The following SPINK5 variants were observed in gnomAD, a reference collection of about 807,000 sequenced individuals.
The protein encoded by SPINK5 is serine peptidase inhibitor Kazal type 5, also known as serine protease inhibitor Kazal-type 5.
SPINK5 carries 125 observed loss-of-function variants against 151.8 expected under a neutral mutation model. That is an observed-to-expected ratio of 0.82 (90% CI 0.71 to 0.96). The LOEUF is 0.96. SPINK5 is among the 40% of genes least tolerant of loss of function. SPINK5 has a pLI of 0.00. For missense variants in SPINK5, 1,194 were observed against 1,291.9 expected (o/e 0.92, Z 1.16); for synonymous variants, 374 against 395.3 (o/e 0.95, Z 0.64).
chr5:148,129,098 A>G (rs981158053), intron 30 of SPINK5, among the ~76,000 whole-genome samples: 5 of 152,184 alleles, frequency 3.3e-5, no homozygotes, highest in African/African-American at 1.2e-4. Context: ...TTCTGTAGGT[A>G]TATCTGAGGA....
intron 20 of SPINK5, among the ~76,000 whole-genome samples, chr5:148,113,937 A>T (rs1207931170): frequency 6.6e-6 from 1 of 152,172 alleles, no homozygotes; most frequent in Admixed American, 6.6e-5. Flanking sequence ...GCTAGGAGAA[A>T]AATTCCCTCT....
In SPINK5 at chr5:148,101,902, C is replaced by G. The variant is rs770900480; in HGVS notation, c.1424C>G (p.Ala475Gly). Residue 475 changes from alanine to glycine, a missense_variant, in exon 15 of 33, where the codon GCC (alanine) becomes GGC (glycine). Physicochemically the swap from Ala to Gly is moderately conservative, Grantham distance 60 (BLOSUM62 0). Coordinates refer to ENST00000256084, the MANE Select transcript of SPINK5 (RefSeq NM_006846.4). ...MHGNTCSMCE[A>G]FFQQEERARA... Reference sequence around the variant, plus strand: ...GGCAACACCTGCTCCATGTGTGAGGCCTTCTTGTGAGTAGAGCAGTAGCCC... The same window carrying G: ...GGCAACACCTGCTCCATGTGTGAGGGCTTCTTGTGAGTAGAGCAGTAGCCC... 4 of 1,613,398 alleles carry G rather than the reference C, an allele frequency of 2.5e-6. No individual in the cohort carries two copies. Among genetic ancestry groups the G allele is most frequent in the Non-Finnish European group, 3.4e-6 (4 of 1,179,612 alleles).
chr5:148,074,086 T>C (rs774499383), intron 4 of SPINK5, among the ~76,000 whole-genome samples: 4 of 151,782 alleles, frequency 2.6e-5, no homozygotes, highest in Non-Finnish European at 4.4e-5. Flanking sequence ...TTGTTGTTTT[T>C]CTCTCCACTA....
intron 9 of SPINK5, 40 bp downstream of exon 9, chr5:148,094,521 T>C (rs1410839670): frequency 6.2e-7 from 1 of 1,611,010 alleles, no homozygotes; most frequent in Non-Finnish European, 8.5e-7. Flanking sequence ...ATTCAAAGGG[T>C]GGGAGTGGAG....
rs1753154986 is a variant in SPINK5, at chr5:148,086,429, G to T, written c.307G>T (p.Gly103Ter). The change falls in exon 5 of 33, where the codon GGA becomes TGA. Residue 103 changes from glycine to a stop codon, truncating the protein, a stop_gained. Transcript: ENST00000256084. LOFTEE classifies it high-confidence loss of function. ...GCTGAATTGTGATGATTTTAAAAAA[G>T]GAGAAAGAGATGGGGATTTTATCTG... ...TELNCDDFKK[G>*]ERDGDFICPD... 1 of 1,611,236 alleles carries T rather than the reference G, an allele frequency of 6.2e-7. No homozygotes were observed. The highest frequency in any genetic ancestry group is 8.5e-7 in the Non-Finnish European group (1 of 1,178,572).
At chr5:148,134,049 G>C (rs1466286418) in intron 32 of SPINK5, 162 bp downstream of exon 32, 1 of 714,546 alleles carries the variant, frequency 1.4e-6, no homozygotes, top group East Asian at 2.7e-5. Context: ...GGATAATTAA[G>C]TAATTACTGA....
At chr5:148,123,798 A>G (rs777279352) in intron 26 of SPINK5, 35 bp from the exon 27 acceptor site, 12 of 1,613,382 alleles carry the variant, frequency 7.4e-6, no homozygotes, top group Admixed American at 1.7e-5. Flanking sequence ...AGATTATACC[A>G]TGACAGTAAC....
chr5:148,118,552 G>C lies in SPINK5; in HGVS notation c.2228G>C (p.Cys743Ser). 4 of 1,614,140 alleles carry C rather than the reference G, an allele frequency of 2.5e-6. No homozygotes were observed. The highest frequency in any genetic ancestry group is 3.4e-6 in the Non-Finnish European group (4 of 1,180,012). The change falls in exon 23 of 33, where the codon TGT becomes TCT. Residue 743 changes from cysteine (C) to serine (S), a missense_variant. Transcript: ENST00000256084. The part of the protein sequence containing the change: ...GKSYNNQCTM[C>S]KAKLEREAER... ...TCGTACAACAATCAGTGTACCATGT[G>C]TAAAGCAAAATTGTAAGTATTTCTC... is the stretch of plus-strand genomic sequence containing the variant.
intron 26 of SPINK5, among the ~76,000 whole-genome samples, chr5:148,120,915 C>G (rs557228400): frequency 1.3e-5 from 2 of 151,862 alleles, no homozygotes; most frequent in African/African-American, 4.8e-5. Context: ...GAAGCTGAGG[C>G]GGGCAGATCA....
rs763223194 is a variant in SPINK5, at chr5:148,123,700, A to G, written c.2539-133A>G. ...AGATTGAATAAAGTGCCTTTAAAACATATTTCTTCTCTGAAATTTCACTTC... is the reference window on the plus strand; with the variant it reads ...AGATTGAATAAAGTGCCTTTAAAACGTATTTCTTCTCTGAAATTTCACTTC... On this transcript the variant is annotated intron_variant, in intron 26 of 32. Coordinates refer to ENST00000256084, the MANE Select transcript of SPINK5 (RefSeq NM_006846.4). The G allele has an allele frequency of 3.1e-6, 4 of 1,301,408 alleles. No individual in the cohort carries two copies. In the Admixed American group the frequency reaches 7.8e-5, roughly 26 times the overall value. The allele number at this position is 1,301,408 out of a possible 1,614,324, so 80.6% of individuals were successfully genotyped here. A position where few individuals can be genotyped will look rare whatever the true frequency, so the allele number is the denominator to read the frequency against.
At chr5:148,126,254 G>C (rs904504036) in intron 29 of SPINK5, among the ~76,000 whole-genome samples, 1 of 152,096 alleles carries the variant, frequency 6.6e-6, no homozygotes, top group African/African-American at 2.4e-5. Flanking sequence ...TTTAGAAAGA[G>C]TTTCTAGGTT....
At chr5:148,135,225 G>T (rs1422989) in intron 32 of SPINK5, among the ~76,000 whole-genome samples, 151,199 of 152,242 alleles carry the variant, frequency 0.99, 75,084 homozygotes, top group East Asian at 1. Context: ...CTTAGTAGTT[G>T]GCTCCCATTT....
intron 4 of SPINK5, among the ~76,000 whole-genome samples, chr5:148,079,431 C>A (rs1752964056): frequency 6.6e-6 from 1 of 150,996 alleles, no homozygotes; most frequent in Non-Finnish European, 1.5e-5. Context: ...TATTCTGATA[C>A]AAAATGTAGA....
chr5:148,069,471 G>C (rs1425718001), intron 2 of SPINK5, among the ~76,000 whole-genome samples: 1 of 149,464 alleles, frequency 6.7e-6, no homozygotes, highest in Non-Finnish European at 1.5e-5. Context: ...AATTACCAGA[G>C]AGAGAGAGAA....
chr5:148,103,530 A>G (rs550433418), intron 15 of SPINK5, among the ~76,000 whole-genome samples: 11 of 152,184 alleles, frequency 7.2e-5, no homozygotes, highest in Non-Finnish European at 1.5e-4. Flanking sequence ...GGGGAAAGAA[A>G]ATGCTGCTTA....
intron 13 of SPINK5, 98 bp from the exon 14 acceptor site, chr5:148,101,257 A>T: frequency 1.1e-6 from 1 of 878,518 alleles, no homozygotes; most frequent in Non-Finnish European, 1.9e-6. Flanking sequence ...CAAAGAATTT[A>T]ATCGTTGTTA....
At chr5:148,087,925 G>GT (rs199756429) in intron 5 of SPINK5, among the ~76,000 whole-genome samples, 1 of 151,156 alleles carries the variant, frequency 6.6e-6, no homozygotes, top group African/African-American at 2.4e-5. Flanking sequence ...TAAATATTTA[G>GT]TTTTTTTCTT....
chr5:148,064,595 A>T (rs1194239448), intron 1 of SPINK5, among the ~76,000 whole-genome samples: 2 of 152,168 alleles, frequency 1.3e-5, no homozygotes, highest in African/African-American at 4.8e-5. Context: ...GGTTGAAAGC[A>T]TTTCTCCCAA....
intron 5 of SPINK5, 46 bp downstream of exon 5, chr5:148,086,578 C>G (rs542109572): frequency 1.9e-5 from 30 of 1,600,500 alleles, no homozygotes; most frequent in Non-Finnish European, 2.5e-5. Flanking sequence ...CGTGTTCTCT[C>G]TATAATTACA....
Sources: gnomAD v4.1 joint callset for allele counts (sites outside exome capture counted in the v4.1 genomes callset) on GRCh38, gnomAD v4.1.1 for gene constraint, MANE v1.5 for transcripts, NCBI Gene and HGNC (gene_info 2026-07-23, HGNC 2026-07-21) for gene names.